The following IDS variants were observed in gnomAD, a reference collection of about 807,000 sequenced individuals.
The protein encoded by IDS is iduronate 2-sulfatase, also known as alpha-L-iduronate sulfate sulfatase.
In IDS, 1 loss-of-function variant was observed where a neutral mutation model predicts 33.5. The ratio of observed to expected loss-of-function variants is 0.03; its 90% CI spans 0.01 to 0.14. The LOEUF (loss-of-function observed/expected upper bound fraction) is 0.14. IDS is among the 10% of genes least tolerant of loss of function. The probability of loss-of-function intolerance (pLI) is 1.00; values close to 1 mark genes in which losing one functional copy is unlikely to be tolerated. For missense variants in IDS, 328 were observed against 448.0 expected (o/e 0.73, Z 2.42); for synonymous variants, 191 against 184.4 (o/e 1.04, Z -0.29).
intron 2 of IDS, 99 bp downstream of exon 2, chrX:149,504,058 C>T (rs1402824621): frequency 1.6e-5 from 13 of 825,424 alleles, no homozygotes; most frequent in Admixed American, 7.8e-5. Context: ...CAAGATGTCC[C>T]GCACAATCTG....
At chrX:149,490,143 C>G (rs781785365) in intron 7 of IDS, among the ~76,000 whole-genome samples, 171 bp downstream of exon 7, 1 of 100,630 alleles carries the variant, frequency 9.9e-6, no homozygotes, top group Non-Finnish European at 2.0e-5. Context: ...AGACAGAGGT[C>G]TCAGGACTAA....
chrX:149,494,731 A>G (rs367898786), intron 6 of IDS, among the ~76,000 whole-genome samples: 20 of 112,062 alleles, frequency 1.8e-4, no homozygotes, highest in Non-Finnish European at 3.6e-4. Context: ...ATACTTCTAC[A>G]TGCTCTCTTT....
rs1557337461 is a variant in IDS, at chrX:149,481,795, T to C, written c.*951A>G. The C allele has an allele frequency of 8.9e-6, 1 of 112,253 alleles. No homozygotes were observed. Among genetic ancestry groups the C allele is most frequent in the Non-Finnish European group, 1.9e-5 (1 of 53,282 alleles). 9.3% of individuals were successfully genotyped at this position (112,253 alleles called of 1,213,427 possible). On this transcript the variant is annotated 3_prime_UTR_variant, in exon 9 of 9. Coordinates refer to ENST00000340855, the MANE Select transcript of IDS (RefSeq NM_000202.8). The stretch of plus-strand genomic sequence containing the variant: ...CCTCAAAATAATTTAGAATTTAATG[T>C]TTTCTTTAATAAGCAATTAAAATGG...
intron 8 of IDS, among the ~76,000 whole-genome samples, chrX:149,484,043 G>A (rs1349536861): frequency 8.9e-6 from 1 of 112,682 alleles, no homozygotes; most frequent in Non-Finnish European, 1.9e-5. Context: ...CATTTTGTCT[G>A]TTCTTCTGTC....
chrX:149,504,331 A>C, intron 1 of IDS, 38 bp from the exon 2 acceptor site: 3 of 1,176,575 alleles, frequency 2.5e-6, no homozygotes, highest in Non-Finnish European at 3.4e-6. Context: ...GGTAACCTGC[A>C]CTGACACTGA....
At chrX:149,502,975 T>G (rs2089492335) in intron 3 of IDS, 7 of 454,230 alleles carry the variant, frequency 1.5e-5, no homozygotes, top group Admixed American at 8.2e-5. Context: ...TACTGACAGG[T>G]ACCCTGCAGG....
chrX:149,495,326 C>G (rs1285483825), intron 6 of IDS, among the ~76,000 whole-genome samples: 1 of 112,019 alleles, frequency 8.9e-6, no homozygotes, highest in Non-Finnish European at 1.9e-5. Context: ...CAACCAAACT[C>G]TTGTTGTGCA....
At chrX:149,490,107 AC>A (rs2089376396) in intron 7 of IDS, among the ~76,000 whole-genome samples, 1 of 75,298 alleles carries the variant, frequency 1.3e-5, no homozygotes, top group Non-Finnish European at 2.5e-5. Context: ...TCCCCCACCC[AC>A]CCACACCTAT....
intron 1 of IDS, among the ~76,000 whole-genome samples, chrX:149,504,782 GA>G (rs1377745467): frequency 1.9e-5 from 2 of 103,803 alleles, no homozygotes; most frequent in African/African-American, 7.1e-5. Context: ...AAGATGGGGG[GA>G]AAGAGGAAGG....
Position 149,504,173 on chromosome X carries a change from T to C in IDS, c.224A>G (p.Gln75Arg). The part of the protein sequence containing the change: ...DQLASHSLLF[Q>R]NAFAQQAVCA... Reference sequence around the variant, plus strand: ...CAGACATACCTGCGCAAAGGCATTCTGGAAGAGGAGGCTGTGGGATGCCAG... The same window carrying C: ...CAGACATACCTGCGCAAAGGCATTCCGGAAGAGGAGGCTGTGGGATGCCAG... The change falls in exon 2 of 9, where the codon CAG becomes CGG. Residue 75 changes from glutamine (Q) to arginine (R), a missense_variant. Gln to Arg is a conservative substitution (Grantham distance 43). Coordinates refer to ENST00000340855, the MANE Select transcript of IDS (RefSeq NM_000202.8). The C allele has an allele frequency of 8.3e-7, 1 of 1,208,557 alleles. No individual in the cohort carries two copies. The highest frequency in any genetic ancestry group is 1.1e-6 in the Non-Finnish European group (1 of 893,437).
At chrX:149,500,323 C>G (rs1373653234) in intron 4 of IDS, among the ~76,000 whole-genome samples, 1 of 111,820 alleles carries the variant, frequency 8.9e-6, no homozygotes, top group Non-Finnish European at 1.9e-5. Context: ...ATACCTTCCA[C>G]CTCACTTCCA....
intron 7 of IDS, among the ~76,000 whole-genome samples, chrX:149,489,863 A>G (rs1205728987): frequency 9.0e-6 from 1 of 110,858 alleles, no homozygotes; most frequent in African/African-American, 3.3e-5. Context: ...GGAGATAAAG[A>G]CTTGAAAAGC....
chrX:149,498,062 C>T (rs782039321), intron 5 of IDS, 45 bp downstream of exon 5: 2 of 1,089,331 alleles, frequency 1.8e-6, no homozygotes, highest in Non-Finnish European at 1.3e-6. Flanking sequence ...ACAAACAACA[C>T]AGCTGTCACA....
At position 149,482,484 on chromosome X, in the gene IDS, AGTAAATAAGCC is replaced by A. The variant is rs1405723041; in HGVS notation, c.*251_*261del. 2 of 372,155 alleles carry A rather than the reference AGTAAATAAGCC, an allele frequency of 5.4e-6. No homozygotes were observed. Among genetic ancestry groups the A allele is most frequent in the Non-Finnish European group, 9.2e-6 (2 of 216,961 alleles). The allele number at this position is 372,155 out of a possible 1,213,427, so 30.7% of individuals were successfully genotyped here. ...GAGTTTGTTTGCTTTGTATTTATTC[AGTAAATAAGCC>A]GTAACTGTTTTAAAAAGAGGGAAAT... is the stretch of plus-strand genomic sequence containing the variant. On this transcript the variant is annotated 3_prime_UTR_variant, in exon 9 of 9. Transcript: ENST00000340855.
chrX:149,477,071 A>C lies in IDS; in HGVS notation c.*5675T>G, dbSNP rs2089270967. On this transcript the variant is annotated 3_prime_UTR_variant, in exon 9 of 9. Transcript: ENST00000340855. ...AACTTATGTTTTTCAATAGTGTAGAAGATGTGAATTCATAAAAGCTGTAAG... is the reference window on the plus strand; with the variant it reads ...AACTTATGTTTTTCAATAGTGTAGACGATGTGAATTCATAAAAGCTGTAAG... 8.9e-6 allele frequency: 1 copy of C among 112,561 alleles called. No individual in the cohort carries two copies. The highest frequency in any genetic ancestry group is 3.2e-5 in the African/African-American group (1 of 30,955). The allele number at this position is 112,561 out of a possible 1,213,427, so 9.3% of individuals were successfully genotyped here.
chrX:149,483,834 G>A (rs1557337732), intron 8 of IDS, among the ~76,000 whole-genome samples: 3 of 111,863 alleles, frequency 2.7e-5, no homozygotes, highest in African/African-American at 9.8e-5. Context: ...CCAGCAACTG[G>A]AAACCACCAT....
intron 3 of IDS, among the ~76,000 whole-genome samples, 168 bp from the exon 4 acceptor site, chrX:149,501,205 G>A (rs1179926291): frequency 8.9e-6 from 1 of 111,890 alleles, no homozygotes; most frequent in Non-Finnish European, 1.9e-5. Context: ...GTTTCTATTT[G>A]AGAACTAAGC....
Position 149,479,978 on chromosome X carries a change from G to A in IDS, c.*2768C>T, listed in dbSNP as rs782284115. Reference sequence around the variant, plus strand: ...AGTCACAAAAACCTCAGCCTCCTTCGGGAGGGGGGGAGCTTGGTAGTGAAA... The same window carrying A: ...AGTCACAAAAACCTCAGCCTCCTTCAGGAGGGGGGGAGCTTGGTAGTGAAA... On this transcript the variant is annotated 3_prime_UTR_variant, in exon 9 of 9. Coordinates refer to ENST00000340855, the MANE Select transcript of IDS (RefSeq NM_000202.8). The A allele has an allele frequency of 6.6e-5, 17 of 258,947 alleles. No individual in the cohort carries two copies. Among genetic ancestry groups the A allele is most frequent in the Middle Eastern group, 1.1e-3 (1 of 950 alleles). 21.3% of individuals were successfully genotyped at this position (258,947 alleles called of 1,213,427 possible). A position where few individuals can be genotyped will look rare whatever the true frequency, so the allele number is the denominator to read the frequency against.
intron 7 of IDS, 183 bp from the exon 8 acceptor site, chrX:149,487,281 T>C: frequency 1.7e-6 from 2 of 1,206,920 alleles, no homozygotes; most frequent in South Asian, 3.5e-5. Context: ...TGCTGCTTTA[T>C]TCAAAATCAG....
Sources: allele counts gnomAD v4.1 joint callset (sites outside exome capture counted in the v4.1 genomes callset), GRCh38; gene constraint gnomAD v4.1.1; transcripts MANE v1.5; gene names NCBI Gene and HGNC (gene_info 2026-07-23, HGNC 2026-07-21).